HYAL4: variants seen among roughly 807,000 people sequenced by gnomAD.
The protein encoded by HYAL4 is hyaluronidase 4, also known as hyaluronidase-4.
A neutral mutation model predicts 35.2 loss-of-function variants in HYAL4; 37 were observed. The observed-to-expected ratio is 1.05, with a 90% CI of 0.81 to 1.38. The LOEUF (loss-of-function observed/expected upper bound fraction) is 1.38. Ranked by LOEUF, HYAL4 falls within the 40% of genes most tolerant of loss-of-function variation. The pLI is 0.00. For synonymous variants in HYAL4, 198 were observed against 203.2 expected (o/e 0.97, Z 0.22); for missense variants, 572 against 572.4 (o/e 1.00, Z 0.01).
chr7:123,788,153 A>T, the HYAL4 span, among the ~76,000 whole-genome samples: 1 of 152,174 alleles, frequency 6.6e-6, no homozygotes, highest in Non-Finnish European at 1.5e-5. Flanking sequence ...CCTCATCTCT[A>T]CTAAGATAAA....
At chr7:123,809,541 A>G in the HYAL4 span, among the ~76,000 whole-genome samples, 3 of 151,432 alleles carry the variant, frequency 2.0e-5, no homozygotes, top group Admixed American at 6.6e-5. Flanking sequence ...GACTATAGGC[A>G]TGCACCATCA....
At chr7:123,840,597 T>TA (rs1806041757), upstream of HYAL4, among the ~76,000 whole-genome samples, 1 of 152,060 alleles carries the variant, frequency 6.6e-6, no homozygotes, top group South Asian at 2.1e-4. Context: ...ATTTTCACGG[T>TA]ATTGATTCTT....
intron 4 of HYAL4, 120 bp downstream of exon 4, chr7:123,874,970 G>T (rs1346888206): frequency 3.1e-6 from 2 of 644,924 alleles, no homozygotes; most frequent in Admixed American, 2.5e-5. Context: ...CCAAATCAGT[G>T]CCTGATACAT....
chr7:123,868,489 T>C lies in HYAL4; in HGVS notation c.216T>C (p.Phe72=), dbSNP rs1018082503. ...ATTTAAGACTAAATTTGAAAATGTT[T>C]CCTGTGATTGGAAGCCCACTGGCCA... ...KYNLRLNLKM[F]PVIGSPLAKA... Residue 72 remains phenylalanine, a synonymous_variant, in exon 3 of 5, where the codon TTT becomes TTC. Transcript: ENST00000223026. 6.2e-7 allele frequency: 1 copy of C among 1,604,958 alleles called. No homozygotes were observed. Among genetic ancestry groups the C allele is most frequent in the East Asian group, 2.2e-5 (1 of 44,862 alleles).
At position 123,868,227 on chromosome 7, in the gene HYAL4, T is replaced by G; in HGVS notation, c.-47T>G. The stretch of plus-strand genomic sequence containing the variant: ...GAAAATTAAATCTCTCCACAGGTCT[T>G]CTAGAGTGCACTAAAGCAGAAGATA... On this transcript the variant is annotated 5_prime_UTR_variant, in exon 3 of 5. Coordinates refer to ENST00000223026, the MANE Select transcript of HYAL4 (RefSeq NM_012269.3). 1 of 1,068,846 alleles carries G rather than the reference T, an allele frequency of 9.4e-7. No homozygotes were observed. Among genetic ancestry groups the G allele is most frequent in the Non-Finnish European group, 1.3e-6 (1 of 750,494 alleles). The allele number at this position is 1,068,846 out of a possible 1,614,324, so 66.2% of individuals were successfully genotyped here. A position where few individuals can be genotyped will look rare whatever the true frequency, so the allele number is the denominator to read the frequency against.
chr7:123,805,320 G>A, the HYAL4 span, among the ~76,000 whole-genome samples: 1 of 152,136 alleles, frequency 6.6e-6, no homozygotes, highest in Non-Finnish European at 1.5e-5. Context: ...ATCTGCATAA[G>A]CAATAATGTT....
chr7:123,856,648 A>T (rs1336257744), intron 2 of HYAL4, among the ~76,000 whole-genome samples: 2 of 151,776 alleles, frequency 1.3e-5, no homozygotes, highest in Non-Finnish European at 2.9e-5. Flanking sequence ...TGTCCCTGTT[A>T]GGAGGCATGG....
chr7:123,819,947 G>A, the HYAL4 span, among the ~76,000 whole-genome samples: 1 of 147,516 alleles, frequency 6.8e-6, no homozygotes, highest in East Asian at 2.0e-4. Context: ...CTGGAGTGCA[G>A]TGGCGCAATC....
the HYAL4 span, among the ~76,000 whole-genome samples, chr7:123,819,732 T>G: frequency 3.9e-5 from 6 of 152,006 alleles, no homozygotes; most frequent in African/African-American, 1.4e-4. Flanking sequence ...CTTCTCCATC[T>G]AAAAAATTAG....
chr7:123,813,629 G>C, the HYAL4 span, among the ~76,000 whole-genome samples: 3 of 152,306 alleles, frequency 2.0e-5, no homozygotes, highest in East Asian at 5.8e-4. Flanking sequence ...TTTGAAGCCA[G>C]TGCATTTCAA....
intron 2 of HYAL4, among the ~76,000 whole-genome samples, chr7:123,853,678 C>T (rs1250741588): frequency 6.6e-6 from 1 of 152,056 alleles, no homozygotes; most frequent in Non-Finnish European, 1.5e-5. Flanking sequence ...GGATATTGGC[C>T]TGAAATTTGT....
chr7:123,812,476 C>T, the HYAL4 span, among the ~76,000 whole-genome samples: 1 of 151,714 alleles, frequency 6.6e-6, no homozygotes, highest in Non-Finnish European at 1.5e-5. Flanking sequence ...AAAATAATGC[C>T]AAAATAATTT....
chr7:123,787,107 C>CAAAA, the HYAL4 span, among the ~76,000 whole-genome samples: 2 of 49,132 alleles, frequency 4.1e-5, no homozygotes, highest in African/African-American at 5.8e-5. Context: ...AACTCTGTCT[C>CAAAA]AAAAAAAAAA....
At chr7:123,811,714 T>G in the HYAL4 span, among the ~76,000 whole-genome samples, 2 of 152,334 alleles carry the variant, frequency 1.3e-5, no homozygotes, top group East Asian at 3.9e-4. Flanking sequence ...TTTCATGGAT[T>G]GTGCCTTTAG....
At chr7:123,834,320 C>T (rs1040829961) in intron 1 of HYAL4, among the ~76,000 whole-genome samples, 2 of 151,924 alleles carry the variant, frequency 1.3e-5, no homozygotes, top group Non-Finnish European at 2.9e-5. Context: ...AGATATATTT[C>T]TAAGTATTTT....
intron 1 of HYAL4, among the ~76,000 whole-genome samples, chr7:123,833,980 G>A (rs1805922313): frequency 6.6e-6 from 1 of 152,006 alleles, no homozygotes; most frequent in Admixed American, 6.6e-5. Flanking sequence ...CTGTTTTGGT[G>A]ACGATGGTCT....
chr7:123,805,930 A>G, the HYAL4 span, among the ~76,000 whole-genome samples: 1 of 152,024 alleles, frequency 6.6e-6, no homozygotes, highest in African/African-American at 2.4e-5. Context: ...GGAGGTAGAG[A>G]TTGCAGTGAG....
the HYAL4 span, among the ~76,000 whole-genome samples, chr7:123,782,667 T>C: frequency 6.6e-6 from 1 of 152,124 alleles, no homozygotes; most frequent in Admixed American, 6.6e-5. Context: ...GTAAGTTTCA[T>C]GGTTCACCTT....
chr7:123,765,822 T>C, the HYAL4 span, among the ~76,000 whole-genome samples: 1 of 152,118 alleles, frequency 6.6e-6, no homozygotes, highest in South Asian at 2.1e-4. Flanking sequence ...GCAAACAATA[T>C]ACTCTTCCTG....
Sources: gnomAD v4.1 joint callset for allele counts (sites outside exome capture counted in the v4.1 genomes callset) on GRCh38, gnomAD v4.1.1 for gene constraint, MANE v1.5 for transcripts, NCBI Gene and HGNC (gene_info 2026-07-23, HGNC 2026-07-21) for gene names.